FAM83H: variants seen among roughly 807,000 people sequenced by gnomAD.
FAM83H encodes the protein scaffolding CK1 anchoring protein H.
In FAM83H, 24 loss-of-function variants were observed where a neutral mutation model predicts 30.2. That is an observed-to-expected ratio of 0.79 (90% CI 0.57 to 1.12). The LOEUF (loss-of-function observed/expected upper bound fraction) is 1.12, where lower values mean the gene tolerates loss of function less well. FAM83H is among the 50% of genes most tolerant of loss of function. The pLI is 0.00. For synonymous variants in FAM83H, 1,013 were observed against 821.7 expected, an observed-to-expected ratio of 1.23 and a Z score of -3.98; for missense variants, 2,038 against 1,773.9, an observed-to-expected ratio of 1.15 and a Z score of -2.67.
chr8:143,726,627 G>A lies in FAM83H; in HGVS notation c.2834C>T (p.Ser945Phe), dbSNP rs782134109. 1.9e-6 allele frequency: 3 copies of A among 1,598,698 alleles called. No homozygotes were observed. In the South Asian group the frequency reaches 3.3e-5, roughly 18 times the overall value. ...GSLTLTISGE[S>F]PKAGPAEEGP... ...CTCCTCCGCGGGCCCGGCCTTCGGG[G>A]ACTCCCCGGAGATGGTAAGGGTGAG... Residue 945 changes from serine to phenylalanine, a missense_variant, in exon 5 of 5, where the codon TCC (serine) becomes TTC (phenylalanine). Ser to Phe is a radical substitution (Grantham distance 155). Transcript: ENST00000388913.
rs781840200 is a variant in FAM83H at position 143,726,808 on chromosome 8, C to T, written c.2653G>A (p.Gly885Arg). 1.4e-5 allele frequency: 22 copies of T among 1,612,538 alleles called. No homozygotes were observed. Among genetic ancestry groups the T allele is most frequent in the African/African-American group, 2.7e-5 (2 of 74,770 alleles). The change falls in exon 5 of 5, where the codon GGG (glycine) becomes AGG (arginine). Residue 885 changes from glycine to arginine, a missense_variant. Coordinates refer to ENST00000388913, the MANE Select transcript of FAM83H (RefSeq NM_198488.5). ...YPERKGSPTPGFSTRRGSPTT... is the reference protein window; with the variant it reads ...YPERKGSPTPRFSTRRGSPTT... ...GGACTTCCTCTTCGAGTGGAAAACC[C>T]AGGCGTGGGGCTCCCCTTCCGCTCA...
chr8:143,727,127 G>A lies in FAM83H; in HGVS notation c.2334C>T (p.Ala778=), dbSNP rs782549532. The change falls in exon 5 of 5, where the codon GCC becomes GCT. Residue 778 remains alanine (A), a synonymous_variant. Transcript: ENST00000388913. ...CGAGGCTGCGGCGCTCGCCCCCCAC[G>A]GCACCTGGGGCCGCCACCTCTTCCC... The part of the protein sequence containing the change: ...AWREEVAAPG[A]VGGERRSLES... The A allele has an allele frequency of 2.6e-6, 4 of 1,534,584 alleles. No homozygotes were observed. The highest frequency in any genetic ancestry group is 2.4e-5 in the East Asian group (1 of 40,866).
Position 143,727,750 on chromosome 8 carries a change from C to G in FAM83H, c.1711G>C (p.Gly571Arg). ...CGCAGCCCTGCCCGCCCCTCGGGCC[C>G]GCCCCTGCGCTCCGGCTCCGCCTCG... ...APEAEPERRG[G>R]PEGRAGLRRW... The change falls in exon 5 of 5, where the codon GGG becomes CGG. Residue 571 changes from glycine (G) to arginine (R), a missense_variant. Physicochemically the swap from Gly to Arg is moderately radical, Grantham distance 125 (BLOSUM62 -2). Transcript: ENST00000388913. The G allele has an allele frequency of 6.7e-7, 1 of 1,495,904 alleles. No homozygotes were observed. Among genetic ancestry groups the G allele is most frequent in the South Asian group, 1.2e-5 (1 of 80,472 alleles). 92.7% of individuals were successfully genotyped at this position (1,495,904 alleles called of 1,614,324 possible). A position where few individuals can be genotyped will look rare whatever the true frequency, so the allele number is the denominator to read the frequency against.
chr8:143,726,159 G>C lies in FAM83H; in HGVS notation c.3302C>G (p.Thr1101Ser), dbSNP rs1026170385. 1 of 1,611,848 alleles carries C rather than the reference G, an allele frequency of 6.2e-7. No individual in the cohort carries two copies. The highest frequency in any genetic ancestry group is 8.5e-7 in the Non-Finnish European group (1 of 1,179,570). The change falls in exon 5 of 5, where the codon ACC becomes AGC. Residue 1101 changes from threonine to serine, a missense_variant. Physicochemically the swap from Thr to Ser is moderately conservative, Grantham distance 58 (BLOSUM62 1). Coordinates refer to ENST00000388913, the MANE Select transcript of FAM83H (RefSeq NM_198488.5). ...SAIFRSDSLGTQGRLSRTLPA... is the reference protein window; with the variant it reads ...SAIFRSDSLGSQGRLSRTLPA... ...CAGCGTGCGGCTCAGCCGGCCCTGG[G>C]TCCCCAAGCTGTCCGAGCGGAAGAT...
At position 143,725,912 on chromosome 8, in the gene FAM83H, C is replaced by A; in HGVS notation, c.*9G>T. 1 of 1,612,480 alleles carries A rather than the reference C, an allele frequency of 6.2e-7. No individual in the cohort carries two copies. Among genetic ancestry groups the A allele is most frequent in the Non-Finnish European group, 8.5e-7 (1 of 1,179,790 alleles). Reference sequence around the variant, plus strand: ...GGGCACCCTGGCCTGGGTTGCCAGGCCAGAAGACTCACTTCTTGCTTTTGA... The same window carrying A: ...GGGCACCCTGGCCTGGGTTGCCAGGACAGAAGACTCACTTCTTGCTTTTGA... On this transcript the variant is annotated 3_prime_UTR_variant, in exon 5 of 5. Transcript: ENST00000388913.
chr8:143,727,097 G>C lies in FAM83H; in HGVS notation c.2364C>G (p.Ser788Arg). 1.3e-6 allele frequency: 2 copies of C among 1,539,270 alleles called. No homozygotes were observed. The highest frequency in any genetic ancestry group is 2.4e-5 in the South Asian group (2 of 84,518). The change falls in exon 5 of 5, where the codon AGC becomes AGG. Residue 788 changes from serine (S) to arginine (R), a missense_variant. Ser to Arg is a moderately radical substitution (Grantham distance 110, BLOSUM62 -1). Coordinates refer to ENST00000388913, the MANE Select transcript of FAM83H (RefSeq NM_198488.5). ...AGGAGTCGCGCAGGTCCAGCAGGCA[G>C]CTCTCGAGGCTGCGGCGCTCGCCCC... ...AVGGERRSLE[S>R]CLLDLRDSFA...
rs373109895 is a variant in FAM83H, at chr8:143,729,068, C to T, written c.636G>A (p.Ala212=). 1.5e-5 allele frequency: 24 copies of T among 1,613,552 alleles called. No individual in the cohort carries two copies. The highest frequency in any genetic ancestry group is 2.7e-5 in the African/African-American group (2 of 74,880). The change falls in exon 4 of 5, where the codon GCG becomes GCA. Residue 212 remains alanine (A), a synonymous_variant. Transcript: ENST00000388913. ...HVDFLRVRTV[A]GPTYYCRTGK... is the part of the protein sequence containing the mutation. ...CAGTGCGGCAGTAGTAGGTGGGGCC[C>T]GCCACAGTCCGTACGCGCAGGAACT... is the stretch of plus-strand genomic sequence containing the variant.
In FAM83H at chr8:143,728,366, G is replaced by GC. The variant is rs1818389147; in HGVS notation, c.1094dup (p.Ala366ArgfsTer86). On this transcript the variant is annotated frameshift_variant, in exon 5 of 5. Transcript: ENST00000388913. LOFTEE classifies it low-confidence loss of function (END_TRUNC). ...GCAGCCCCGCGTGCGGTTCCAGCGCGCCCCCCGGCATCCGCGGCGGCTCCT... is the reference window on the plus strand; with the variant it reads ...GCAGCCCCGCGTGCGGTTCCAGCGCGCCCCCCCGGCATCCGCGGCGGCTCCT... The GC allele has an allele frequency of 2.6e-6, 4 of 1,542,684 alleles. No homozygotes were observed. Among genetic ancestry groups the GC allele is most frequent in the Non-Finnish European group, 3.5e-6 (4 of 1,143,196 alleles).
At chr8:143,731,202 CTTATT>C (rs5895784) in intron 1 of FAM83H, 3,952 of 246,084 alleles carry the variant, frequency 0.016, 164 homozygotes, top group African/African-American at 0.086. Context: ...TCACTTTTTT[CTTATT>C]TTAAGACATT....
In FAM83H at chr8:143,727,011, G is replaced by A. The variant is rs782430933; in HGVS notation, c.2450C>T (p.Ala817Val). Residue 817 changes from alanine to valine, a missense_variant, in exon 5 of 5, where the codon GCG becomes GTG. Coordinates refer to ENST00000388913, the MANE Select transcript of FAM83H (RefSeq NM_198488.5). ...CCGGCCCAGTGTGTCGAGCAGCTGC[G>A]CCGCGGTGAGCGACGCGGCTCCCGG... ...RQPGAASLTA[A>V]QLLDTLGRSG... 9 of 1,574,670 alleles carry A rather than the reference G, an allele frequency of 5.7e-6. No individual in the cohort carries two copies. Among genetic ancestry groups the A allele is most frequent in the South Asian group, 4.6e-5 (4 of 87,860 alleles).
chr8:143,732,096 C>G, intron 1 of FAM83H: 2 of 985,428 alleles, frequency 2.0e-6, no homozygotes, highest in Non-Finnish European at 2.4e-6. Context: ...TGCCGGCCAG[C>G]TGGACTACAT....
rs1358265719 is a variant in FAM83H, at chr8:143,733,615, C to G, written c.-16+76G>C. ...CCCAGGTGTGGGCGCAAGGGTAGCC[C>G]AAGTGGGACCGCGCCAAGGGGCGCC... On this transcript the variant is annotated intron_variant, in intron 1 of 4. Coordinates refer to ENST00000388913, the MANE Select transcript of FAM83H (RefSeq NM_198488.5). The surrounding 1 kb of genome is among the most constrained non-coding windows in gnomAD (Gnocchi z 5.6). 6.6e-6 allele frequency: 1 copy of G among 151,164 alleles called. No homozygotes were observed. The highest frequency in any genetic ancestry group is 2.4e-5 in the African/African-American group (1 of 41,264). The allele number at this position is 151,164 out of a possible 1,614,324, so 9.4% of individuals were successfully genotyped here. A position where few individuals can be genotyped will look rare whatever the true frequency, so the allele number is the denominator to read the frequency against.
At position 143,727,400 on chromosome 8, in the gene FAM83H, G is replaced by A. The variant is rs1818340763; in HGVS notation, c.2061C>T (p.Ile687=). 2 of 1,572,698 alleles carry A rather than the reference G, an allele frequency of 1.3e-6. No homozygotes were observed. Among genetic ancestry groups the A allele is most frequent in the South Asian group, 1.1e-5 (1 of 87,988 alleles). The change falls in exon 5 of 5, where the codon ATC becomes ATT. Residue 687 remains isoleucine (I), a synonymous_variant. Transcript: ENST00000388913. ...CGCCCTCGGCCTGTGACGTGCTGAA[G>A]ATGAGCGAGGAGCGCAGCCTGGAGC... ...QRSSRLRSSL[I]FSTSQAEGAA...
At chr8:143,732,095 G>C in intron 1 of FAM83H, 2 of 985,440 alleles carry the variant, frequency 2.0e-6, no homozygotes, top group South Asian at 9.4e-5. Flanking sequence ...ATGCCGGCCA[G>C]CTGGACTACA....
At position 143,724,023 on chromosome 8, in the gene FAM83H, C is replaced by G. The variant is rs1818195585; in HGVS notation, c.*1898G>C. Reference sequence around the variant, plus strand: ...GTGCAGGCAGGAGGCTCCGAAGGCCCAGGCAGGGCCGCCAGCCTCTGGCCT... The same window carrying G: ...GTGCAGGCAGGAGGCTCCGAAGGCCGAGGCAGGGCCGCCAGCCTCTGGCCT... On this transcript the variant is annotated 3_prime_UTR_variant, in exon 5 of 5. Transcript: ENST00000388913. The G allele has an allele frequency of 1.3e-5, 2 of 152,242 alleles. No individual in the cohort carries two copies. Among genetic ancestry groups the G allele is most frequent in the African/African-American group, 4.8e-5 (2 of 41,438 alleles). 9.4% of individuals were successfully genotyped at this position (152,242 alleles called of 1,614,324 possible). A position where few individuals can be genotyped will look rare whatever the true frequency, so the allele number is the denominator to read the frequency against.
At position 143,725,262 on chromosome 8, in the gene FAM83H, G is replaced by A. The variant is rs1818246015; in HGVS notation, c.*659C>T. On this transcript the variant is annotated 3_prime_UTR_variant, in exon 5 of 5. Coordinates refer to ENST00000388913, the MANE Select transcript of FAM83H (RefSeq NM_198488.5). ...GCCCTGAGGAGGAGAAGGGCCCAGA[G>A]AATGAGGAATTGAGGCACAGAGGCG... The A allele has an allele frequency of 1.3e-5, 2 of 150,774 alleles. No individual in the cohort carries two copies. The highest frequency in any genetic ancestry group is 2.9e-5 in the Non-Finnish European group (2 of 68,106). 9.3% of individuals were successfully genotyped at this position (150,774 alleles called of 1,614,324 possible).
rs368072973 is a variant in FAM83H at position 143,728,189 on chromosome 8, C to A, written c.1272G>T (p.Ala424=). Residue 424 remains alanine (A), a synonymous_variant, in exon 5 of 5, where the codon GCG becomes GCT. Coordinates refer to ENST00000388913, the MANE Select transcript of FAM83H (RefSeq NM_198488.5). ...TCTGCCGCGACACCTGCCGCGCGGC[C>A]GCGAAGTTCTCCACGGCGCCCGCGC... ...TEGAGAVENF[A]AARQVSRQTF... is the part of the protein sequence containing the mutation. 34 of 1,605,130 alleles carry A rather than the reference C, an allele frequency of 2.1e-5. No homozygotes were observed. In the East Asian group the frequency reaches 2.2e-4, roughly 11 times the overall value.
At position 143,728,279 on chromosome 8, in the gene FAM83H, C is replaced by G; in HGVS notation, c.1182G>C (p.Arg394=). 3.3e-6 allele frequency: 5 copies of G among 1,515,492 alleles called. No individual in the cohort carries two copies. Among genetic ancestry groups the G allele is most frequent in the Non-Finnish European group, 4.4e-6 (5 of 1,135,170 alleles). 93.9% of individuals were successfully genotyped at this position (1,515,492 alleles called of 1,614,324 possible). ...CCAGGTGCCGCGCCTGGAAGAAGCC[C>G]CGCGCGCCCGCGAGCTCCCCAGCCG... ...AGPAGELAGA[R]GFFQARHLEM... is the part of the protein sequence containing the mutation. The change falls in exon 5 of 5, where the codon CGG becomes CGC. Residue 394 remains arginine (R), a synonymous_variant. Coordinates refer to ENST00000388913, the MANE Select transcript of FAM83H (RefSeq NM_198488.5).
In FAM83H at chr8:143,725,181, G is replaced by A. The variant is rs1464269665; in HGVS notation, c.*740C>T. 4 of 132,944 alleles carry A rather than the reference G, an allele frequency of 3.0e-5. 1 individual carries two copies. In the Admixed American group the frequency reaches 3.0e-4, roughly 10 times the overall value. 8.2% of individuals were successfully genotyped at this position (132,944 alleles called of 1,614,324 possible). A position where few individuals can be genotyped will look rare whatever the true frequency, so the allele number is the denominator to read the frequency against. Reference sequence around the variant, plus strand: ...CGGGGGGGGGGGGGGGGGAGGGAAGGAGGAGACCTTGAGAGAGGGAGGGAG... The same window carrying A: ...CGGGGGGGGGGGGGGGGGAGGGAAGAAGGAGACCTTGAGAGAGGGAGGGAG... On this transcript the variant is annotated 3_prime_UTR_variant, in exon 5 of 5. Coordinates refer to ENST00000388913, the MANE Select transcript of FAM83H (RefSeq NM_198488.5).
Sources: allele counts gnomAD v4.1 joint callset, GRCh38; gene constraint gnomAD v4.1.1; non-coding constraint Gnocchi (gnomAD v3.1); transcripts MANE v1.5; gene names NCBI Gene and HGNC (gene_info 2026-07-23, HGNC 2026-07-21).